The following PDE1C variants were observed in gnomAD, a reference collection of about 807,000 sequenced individuals.
The protein encoded by PDE1C is dual specificity calcium/calmodulin-dependent 3',5'-cyclic nucleotide phosphodiesterase 1C.
In PDE1C, 62 loss-of-function variants were observed where a neutral mutation model predicts 93.1. The observed-to-expected ratio is 0.67, with a 90% CI of 0.54 to 0.82. The LOEUF is 0.82. PDE1C is among the 40% of genes least tolerant of loss of function. The pLI, the probability that PDE1C is intolerant of heterozygous loss-of-function variation, is 0.00. For synonymous variants in PDE1C, 325 were observed against 310.1 expected (o/e 1.05, Z -0.50); for missense variants, 742 against 884.6 (o/e 0.84, Z 2.04).
chr7:32,053,504 A>C (rs1416981386), intron 1 of PDE1C, among the ~76,000 whole-genome samples: 1 of 152,206 alleles, frequency 6.6e-6, no homozygotes, highest in Non-Finnish European at 1.5e-5. Context: ...CTAAGGTACA[A>C]CTGGCAAGAC....
At chr7:32,172,606 T>C (rs1258534126) in intron 2 of PDE1C, among the ~76,000 whole-genome samples, 1 of 152,102 alleles carries the variant, frequency 6.6e-6, no homozygotes, top group Middle Eastern at 3.2e-3. Flanking sequence ...GTGGATCACC[T>C]GAGGTCAGGA....
intron 2 of PDE1C, among the ~76,000 whole-genome samples, chr7:31,922,684 C>T (rs1227962459): frequency 6.6e-6 from 1 of 152,068 alleles, no homozygotes; most frequent in Non-Finnish European, 1.5e-5. Context: ...TGAACTGCAT[C>T]CTGTTTATGC....
At chr7:32,045,606 T>A (rs1792439787) in intron 2 of PDE1C, among the ~76,000 whole-genome samples, 1 of 152,240 alleles carries the variant, frequency 6.6e-6, no homozygotes, top group Non-Finnish European at 1.5e-5. Context: ...ATTTGATTTA[T>A]CCAGTGTCAC....
the PDE1C span, among the ~76,000 whole-genome samples, chr7:31,680,853 G>A: frequency 6.6e-6 from 1 of 152,166 alleles, no homozygotes; most frequent in South Asian, 2.1e-4. Context: ...GCAAAGAGGT[G>A]GGACAAAGGA....
At chr7:31,640,108 T>C in the PDE1C span, among the ~76,000 whole-genome samples, 1 of 152,222 alleles carries the variant, frequency 6.6e-6, no homozygotes, top group Non-Finnish European at 1.5e-5. Context: ...GTCTTGCTTT[T>C]AAGGCTCATT....
intron 2 of PDE1C, among the ~76,000 whole-genome samples, chr7:32,043,924 C>G (rs1238630973): frequency 6.6e-6 from 1 of 152,108 alleles, no homozygotes; most frequent in African/African-American, 2.4e-5. Flanking sequence ...AGTCACAATC[C>G]AAACTTATTT....
At chr7:32,154,378 G>T (rs1801442988) in intron 3 of PDE1C, among the ~76,000 whole-genome samples, 1 of 152,168 alleles carries the variant, frequency 6.6e-6, no homozygotes, top group South Asian at 2.1e-4. Flanking sequence ...AGACACACAA[G>T]AAGCTGCAAA....
the PDE1C span, chr7:31,643,313 A>T: frequency 7.9e-5 from 128 of 1,613,948 alleles, no homozygotes; most frequent in African/African-American, 1.2e-3. Flanking sequence ...AAGCACAGTG[A>T]AATCACACCT....
chr7:31,892,182 C>T (rs1798727629), intron 2 of PDE1C, among the ~76,000 whole-genome samples: 3 of 152,298 alleles, frequency 2.0e-5, no homozygotes, highest in Admixed American at 2.0e-4. Flanking sequence ...GATCCTTCGG[C>T]TTGGCCTCAG....
chr7:32,180,489 G>A (rs963964390), intron 2 of PDE1C, among the ~76,000 whole-genome samples: 6 of 152,242 alleles, frequency 3.9e-5, no homozygotes, highest in African/African-American at 1.4e-4. Context: ...GAAGGACTCT[G>A]GTTCCCTTTT....
the PDE1C span, chr7:31,696,816 G>A: frequency 2.4e-4 from 204 of 846,524 alleles, 3 homozygotes; most frequent in South Asian, 2.7e-3. Context: ...AAATACTAAT[G>A]CTTCTTATGA....
Position 32,424,884 on chromosome 7 carries a change from A to G in PDE1C, c.310+2938T>C, listed in dbSNP as rs190680317. Among the ~76,000 whole-genome samples, 52 of 152,230 alleles carry G rather than the reference A, an allele frequency of 3.4e-4. 1 individual carries two copies. The East Asian group carries it at 9.8e-3, about 29-fold the overall frequency. ...AAGAGTTAACAAACGGAAAATAAGC[A>G]CACAGCATTTAAGACAAGCAGCATA... On this transcript the variant is annotated intron_variant, in intron 1 of 1. Transcript: ENST00000672256.
At chr7:32,063,286 A>G (rs1320615812) in intron 1 of PDE1C, among the ~76,000 whole-genome samples, 1 of 152,250 alleles carries the variant, frequency 6.6e-6, no homozygotes, top group Non-Finnish European at 1.5e-5. Context: ...TTACTTTTGC[A>G]TTAACCTAAT....
In PDE1C at chr7:32,413,505, C is replaced by T. The variant is rs140911740; in HGVS notation, c.310+14317G>A. ...CAAATACAATATGATTCCTCTTACA[C>T]GCAGGACCCAGAGTAATCACACTTA... is the stretch of plus-strand genomic sequence containing the variant. On this transcript the variant is annotated intron_variant, in intron 1 of 1. Transcript: ENST00000672256. 1.6e-3 allele frequency among the ~76,000 whole-genome samples: 238 copies of T among 152,250 alleles called. 2 individuals carry two copies. Among genetic ancestry groups the T allele is most frequent in the African/African-American group, 5.4e-3 (226 of 41,536 alleles).
exon 1 of PDE1C, chr7:32,299,100 G>T (rs1812810861): frequency 5.7e-6 from 6 of 1,054,302 alleles, no homozygotes; most frequent in Non-Finnish European, 6.8e-6. Context: ...TCTGTCAGCC[G>T]CGGATCCCGC....
At chr7:32,323,353 G>GTCT in intron 1 of PDE1C, among the ~76,000 whole-genome samples, 1 of 152,276 alleles carries the variant, frequency 6.6e-6, no homozygotes, top group South Asian at 2.1e-4. Flanking sequence ...TCAGAGTTGA[G>GTCT]AAGAGATTGT....
At chr7:31,787,084 T>C (rs1431330031) in intron 16 of PDE1C, 1 of 152,184 alleles carries the variant, frequency 6.6e-6, no homozygotes, top group Non-Finnish European at 1.5e-5. Flanking sequence ...CTTCAACTTT[T>C]GGATTACCGT....
the PDE1C span, among the ~76,000 whole-genome samples, chr7:31,722,761 A>G: frequency 6.6e-6 from 1 of 152,234 alleles, no homozygotes; most frequent in Non-Finnish European, 1.5e-5. Context: ...AGAGTAAGCC[A>G]GCATGATTGG....
the PDE1C span, chr7:31,695,446 T>A: frequency 6.3e-7 from 1 of 1,581,216 alleles, no homozygotes; most frequent in Non-Finnish European, 8.6e-7. Flanking sequence ...ATTCTTTATT[T>A]CTTTGTATCC....
Sources: gnomAD v4.1 joint callset for allele counts (sites outside exome capture counted in the v4.1 genomes callset) on GRCh38, gnomAD v4.1.1 for gene constraint, MANE v1.5 for transcripts, NCBI Gene and HGNC (gene_info 2026-07-23, HGNC 2026-07-21) for gene names.